Variants in RERE observed in about 807,000 individuals in gnomAD.
RERE encodes arginine-glutamic acid dipeptide repeats protein.
RERE carries 40 observed loss-of-function variants against 146.1 expected under a neutral mutation model. The observed-to-expected ratio is 0.27, with a 90% CI of 0.21 to 0.36. The LOEUF is 0.36. Among genes scored for constraint, RERE ranks in the 10% least tolerant of loss-of-function variants. RERE has a pLI of 1.00. For missense variants in RERE, 1,933 were observed against 2,138.7 expected (o/e 0.90, Z 1.90); for synonymous variants, 1,003 against 866.0 (o/e 1.16, Z -2.78).
At chr1:8,557,156 G>A (rs984170035) in intron 5 of RERE, among the ~76,000 whole-genome samples, 6 of 152,142 alleles carry the variant, frequency 3.9e-5, no homozygotes, top group East Asian at 1.9e-4. Flanking sequence ...TGATGCCAGC[G>A]CCAGCACTGC....
chr1:8,746,488 A>G (rs1208878120), intron 1 of RERE, among the ~76,000 whole-genome samples: 1 of 152,168 alleles, frequency 6.6e-6, no homozygotes, highest in Non-Finnish European at 1.5e-5. Flanking sequence ...TACAAAGCCT[A>G]TTTTATAATA....
At chr1:8,735,909 T>C (rs1339263611) in intron 1 of RERE, among the ~76,000 whole-genome samples, 1 of 152,108 alleles carries the variant, frequency 6.6e-6, no homozygotes, top group East Asian at 1.9e-4. Flanking sequence ...CCTTTATAAA[T>C]TGCCCAGTCT....
At position 8,597,939 on chromosome 1, in the gene RERE, C is replaced by T. The variant is rs1241084225; in HGVS notation, c.522+16622G>A. ...ATAGCAGGAAGGTATCTCATCCAAGCAGAAAATAAGACCAACAGTTGTCCA... is the reference window on the plus strand; with the variant it reads ...ATAGCAGGAAGGTATCTCATCCAAGTAGAAAATAAGACCAACAGTTGTCCA... On this transcript the variant is annotated intron_variant, in intron 4 of 22. Coordinates refer to ENST00000400908, the MANE Select transcript of RERE (RefSeq NM_001042681.2). 2.6e-5 allele frequency among the ~76,000 whole-genome samples: 4 copies of T among 152,156 alleles called. No individual in the cohort carries two copies. The East Asian group carries it at 7.7e-4, about 29-fold the overall frequency.
intron 4 of RERE, among the ~76,000 whole-genome samples, chr1:8,609,294 G>A (rs980625107): frequency 1.3e-5 from 2 of 152,002 alleles, no homozygotes; most frequent in African/African-American, 4.8e-5. Flanking sequence ...GAAAGGAACA[G>A]AGCTGAAAGC....
intron 11 of RERE, among the ~76,000 whole-genome samples, chr1:8,453,890 A>C (rs888851722): frequency 7.2e-5 from 11 of 152,160 alleles, no homozygotes; most frequent in Non-Finnish European, 4.4e-5. Context: ...CTGTCACCCT[A>C]ATTAATTAGA....
intron 1 of RERE, among the ~76,000 whole-genome samples, chr1:8,751,695 A>G (rs1640539028): frequency 6.6e-6 from 1 of 151,978 alleles, no homozygotes; most frequent in Admixed American, 6.6e-5. Context: ...CTTCATACAG[A>G]CGTCCTCAGA....
At chr1:8,405,263 G>A (rs1275883676) in intron 12 of RERE, among the ~76,000 whole-genome samples, 1 of 152,078 alleles carries the variant, frequency 6.6e-6, no homozygotes, top group Non-Finnish European at 1.5e-5. Context: ...ATATTTCTAG[G>A]AATGAATCTT....
At chr1:8,792,859 C>T (rs1427023574) in intron 1 of RERE, among the ~76,000 whole-genome samples, 1 of 151,870 alleles carries the variant, frequency 6.6e-6, no homozygotes, top group Non-Finnish European at 1.5e-5. Context: ...GATAGCGGAA[C>T]ATAAAGAAGC....
intron 2 of RERE, among the ~76,000 whole-genome samples, chr1:8,645,452 A>G (rs193019056): frequency 1.2e-4 from 19 of 152,356 alleles, no homozygotes; most frequent in African/African-American, 4.6e-4. Flanking sequence ...ACCTCATGCA[A>G]TGGACTCATT....
intron 1 of RERE, among the ~76,000 whole-genome samples, chr1:8,664,880 G>A (rs1404493197): frequency 6.6e-6 from 1 of 152,102 alleles, no homozygotes; most frequent in Non-Finnish European, 1.5e-5. Context: ...TTACTGTACT[G>A]CAGCCAGGGT....
chr1:8,531,777 G>A (rs894863133), intron 7 of RERE, among the ~76,000 whole-genome samples: 7 of 152,286 alleles, frequency 4.6e-5, no homozygotes, highest in East Asian at 3.9e-4. Context: ...ATTACAGAGC[G>A]TTGAATTTTA....
intron 7 of RERE, among the ~76,000 whole-genome samples, chr1:8,513,740 A>G (rs1317510824): frequency 6.6e-6 from 1 of 152,250 alleles, no homozygotes; most frequent in African/African-American, 2.4e-5. Context: ...ACATCGTGCC[A>G]TTGTACTCCA....
intron 20 of RERE, among the ~76,000 whole-genome samples, chr1:8,357,833 C>G (rs1641356465): frequency 6.6e-6 from 1 of 152,244 alleles, no homozygotes; most frequent in Non-Finnish European, 1.5e-5. Context: ...CTTGAGTAGC[C>G]CAGTGCCTTA....
intron 7 of RERE, among the ~76,000 whole-genome samples, chr1:8,532,740 G>C (rs1008650842): frequency 6.6e-6 from 1 of 151,966 alleles, no homozygotes; most frequent in African/African-American, 2.4e-5. Flanking sequence ...GGTTACAGGT[G>C]CACGCCACCC....
At chr1:8,420,766 G>A (rs1011806911) in intron 12 of RERE, among the ~76,000 whole-genome samples, 2 of 152,218 alleles carry the variant, frequency 1.3e-5, no homozygotes, top group African/African-American at 2.4e-5. Flanking sequence ...GAGCTACAGC[G>A]TGGGAAACTG....
chr1:8,391,536 A>C (rs890654338), intron 12 of RERE, among the ~76,000 whole-genome samples: 1 of 151,820 alleles, frequency 6.6e-6, no homozygotes, highest in African/African-American at 2.4e-5. Flanking sequence ...GTACAGGCTG[A>C]TCCCTTGGCC....
intron 4 of RERE, among the ~76,000 whole-genome samples, chr1:8,604,702 A>G (rs1041989314): frequency 7.2e-5 from 11 of 151,988 alleles, no homozygotes; most frequent in Admixed American, 3.3e-4. Flanking sequence ...GGTGGGCAAT[A>G]AAGGAACGAT....
intron 1 of RERE, among the ~76,000 whole-genome samples, chr1:8,744,926 T>C (rs1159384329): frequency 1.3e-5 from 2 of 152,182 alleles, no homozygotes; most frequent in African/African-American, 4.8e-5. Context: ...CAATTTGATT[T>C]TCCCATGACA....
intron 12 of RERE, among the ~76,000 whole-genome samples, chr1:8,400,774 C>G (rs980018487): frequency 1.6e-4 from 20 of 122,290 alleles, no homozygotes; most frequent in Admixed American, 4.3e-4. Context: ...GAGGCTGAGG[C>G]AAGAGGATCA....
Sources: gnomAD v4.1 joint callset for allele counts (sites outside exome capture counted in the v4.1 genomes callset) on GRCh38, gnomAD v4.1.1 for gene constraint, MANE v1.5 for transcripts, NCBI Gene and HGNC (gene_info 2026-07-23, HGNC 2026-07-21) for gene names.